DLG1: variants seen among roughly 807,000 people sequenced by gnomAD.
The protein encoded by DLG1 is disks large homolog 1.
DLG1 carries 42 observed loss-of-function variants against 123.4 expected under a neutral mutation model. The ratio of observed to expected loss-of-function variants is 0.34; its 90% CI spans 0.27 to 0.44. DLG1 has a LOEUF of 0.44. Among genes scored for constraint, DLG1 ranks in the 20% least tolerant of loss-of-function variants. The pLI, the probability that DLG1 is intolerant of heterozygous loss-of-function variation, is 1.00. For missense variants in DLG1, 942 were observed against 1,082.6 expected, an observed-to-expected ratio of 0.87 and a Z score of 1.82; for synonymous variants, 317 against 356.2, an observed-to-expected ratio of 0.89 and a Z score of 1.24.
chr3:197,138,891 G>A (rs1786465825), intron 8 of DLG1, among the ~76,000 whole-genome samples: 1 of 152,126 alleles, frequency 6.6e-6, no homozygotes, highest in African/African-American at 2.4e-5. Context: ...TGACAGAGCT[G>A]TGATTCAAAG....
At position 197,246,614 on chromosome 3, in the gene DLG1, T is replaced by A. The variant is rs562923687; in HGVS notation, c.318+36065A>T. Among the ~76,000 whole-genome samples the A allele has an allele frequency of 9.8e-5, 15 of 152,314 alleles. No individual in the cohort carries two copies. In the South Asian group the frequency reaches 1.4e-3, roughly 15 times the overall value. ...CAGGTTACTGGGTTTAAACTTTTGA[T>A]AGGAAGGCCACAGGTTGTTGGTGAC... On this transcript the variant is annotated intron_variant, in intron 4 of 24. Transcript: ENST00000667157.
At chr3:197,092,481 A>T (rs1758279279) in intron 14 of DLG1, among the ~76,000 whole-genome samples, 1 of 152,082 alleles carries the variant, frequency 6.6e-6, no homozygotes, top group Admixed American at 6.6e-5. Context: ...ATAGCTAGAG[A>T]TGTATGGTTG....
chr3:197,161,490 C>T (rs1026869466), intron 5 of DLG1: 17 of 446,540 alleles, frequency 3.8e-5, no homozygotes, highest in Admixed American at 3.1e-4. Flanking sequence ...ATATTAAATC[C>T]CAAATGTTTA....
chr3:197,167,921 T>C (rs73210527), intron 5 of DLG1, among the ~76,000 whole-genome samples: 18,854 of 152,242 alleles, frequency 0.12, 1,241 homozygotes, highest in Middle Eastern at 0.15. Flanking sequence ...AAATGTAATA[T>C]GTTTTCTTAT....
chr3:197,085,261 A>G (rs1578830562), intron 16 of DLG1: 1 of 263,296 alleles, frequency 3.8e-6, no homozygotes, highest in Non-Finnish European at 7.4e-6. Context: ...ACAAATTTCA[A>G]GTACAGTACT....
chr3:197,045,927 T>C (rs1722723168), intron 24 of DLG1, among the ~76,000 whole-genome samples: 1 of 152,182 alleles, frequency 6.6e-6, no homozygotes, highest in African/African-American at 2.4e-5. Context: ...ACTGTCTATT[T>C]GGTACCTGAG....
At chr3:197,049,495 C>T (rs1446763332) in intron 24 of DLG1, among the ~76,000 whole-genome samples, 1 of 152,284 alleles carries the variant, frequency 6.6e-6, no homozygotes, top group African/African-American at 2.4e-5. Flanking sequence ...TGGCTCACGC[C>T]TGTAGTCCCG....
Position 197,286,315 on chromosome 3 carries a change from G to A in DLG1, c.152-3470C>T, listed in dbSNP as rs9864945. ...TCCAACCTTTTTGGCACCAAAGACC[G>A]GTTTTATGGAAGACAATTTTTCCAC... is the stretch of plus-strand genomic sequence containing the variant. On this transcript the variant is annotated intron_variant, in intron 3 of 24. Transcript: ENST00000667157. Among the ~76,000 whole-genome samples the A allele has an allele frequency of 1.1e-3, 166 of 152,232 alleles. 1 individual carries two copies. Among genetic ancestry groups the A allele is most frequent in the African/African-American group, 3.7e-3 (152 of 41,536 alleles).
At chr3:197,103,734 C>T (rs1241547920) in intron 14 of DLG1, among the ~76,000 whole-genome samples, 1 of 149,774 alleles carries the variant, frequency 6.7e-6, no homozygotes, top group African/African-American at 2.5e-5. Context: ...AGCTAAAAAA[C>T]ATACTAGATT....
At chr3:197,049,515 G>A (rs1725764381) in intron 24 of DLG1, among the ~76,000 whole-genome samples, 1 of 152,224 alleles carries the variant, frequency 6.6e-6, no homozygotes, top group Non-Finnish European at 1.5e-5. Context: ...GGCACTTTGG[G>A]AGGCCAAGGC....
intron 4 of DLG1, among the ~76,000 whole-genome samples, chr3:197,238,435 T>C (rs1488403083): frequency 2.0e-5 from 3 of 151,854 alleles, no homozygotes; most frequent in Admixed American, 1.3e-4. Context: ...AGCAAAGAAA[T>C]AGAAAGTCTA....
At chr3:197,259,215 T>C (rs1758239221) in intron 4 of DLG1, among the ~76,000 whole-genome samples, 1 of 152,182 alleles carries the variant, frequency 6.6e-6, no homozygotes, top group Non-Finnish European at 1.5e-5. Flanking sequence ...TTATGTGCCC[T>C]TTAAACATTC....
intron 4 of DLG1, among the ~76,000 whole-genome samples, chr3:197,247,607 T>C (rs1752392311): frequency 6.6e-6 from 1 of 152,162 alleles, no homozygotes; most frequent in South Asian, 2.1e-4. Context: ...ACCTAAACTT[T>C]GGCCAGAAAA....
chr3:197,286,302 G>A (rs551028996), intron 3 of DLG1, among the ~76,000 whole-genome samples: 113 of 152,232 alleles, frequency 7.4e-4, no homozygotes, highest in Admixed American at 2.4e-3. Context: ...CAACCTTTTT[G>A]GCACCAAAGA....
chr3:197,192,026 T>A (rs142771031), intron 5 of DLG1, among the ~76,000 whole-genome samples: 1 of 149,202 alleles, frequency 6.7e-6, no homozygotes, highest in Admixed American at 6.7e-5. Flanking sequence ...ACAAAAAAAA[T>A]AGCCAAGCAT....
intron 4 of DLG1, among the ~76,000 whole-genome samples, chr3:197,211,119 C>A (rs1463180586): frequency 6.9e-6 from 1 of 145,972 alleles, no homozygotes; most frequent in Non-Finnish European, 1.5e-5. Context: ...CAATTGAATA[C>A]CAATTCATAA....
At chr3:197,291,443 CCT>C (rs1197764780) in intron 3 of DLG1, among the ~76,000 whole-genome samples, 1 of 151,930 alleles carries the variant, frequency 6.6e-6, no homozygotes, top group African/African-American at 2.4e-5. Context: ...GATCTCAAAC[CCT>C]GATTACTAAA....
At chr3:197,230,516 T>G (rs1434062661) in intron 4 of DLG1, among the ~76,000 whole-genome samples, 1 of 152,184 alleles carries the variant, frequency 6.6e-6, no homozygotes, top group Non-Finnish European at 1.5e-5. Context: ...TGCTGAGTTA[T>G]TGTTACTATC....
At chr3:197,152,167 A>G (rs1006419147) in intron 5 of DLG1, among the ~76,000 whole-genome samples, 2 of 152,166 alleles carry the variant, frequency 1.3e-5, no homozygotes, top group African/African-American at 4.8e-5. Context: ...CTTTTCACAG[A>G]TGGAGAAAAT....
Sources: allele counts gnomAD v4.1 joint callset (sites outside exome capture counted in the v4.1 genomes callset), GRCh38; gene constraint gnomAD v4.1.1; transcripts MANE v1.5; gene names NCBI Gene and HGNC (gene_info 2026-07-23, HGNC 2026-07-21).